Variants in IFT81 observed in about 807,000 individuals in gnomAD.
IFT81 encodes intraflagellar transport 81, also known as intraflagellar transport protein 81 homolog.
In IFT81, 72 loss-of-function variants were observed where a neutral mutation model predicts 102.6. The ratio of observed to expected loss-of-function variants is 0.70; its 90% confidence interval spans 0.58 to 0.85. The LOEUF is 0.85. IFT81 is among the 40% of genes least tolerant of loss of function. The pLI, the probability that IFT81 is intolerant of heterozygous loss-of-function variation, is 0.00. For missense variants in IFT81, 723 were observed against 787.3 expected (o/e 0.92, Z 0.98); for synonymous variants, 237 against 242.7 (o/e 0.98, Z 0.22).
At chr12:110,183,555 A>G (rs560978831) in intron 12 of IFT81, among the ~76,000 whole-genome samples, 12 of 152,330 alleles carry the variant, frequency 7.9e-5, no homozygotes, top group South Asian at 4.1e-4. Flanking sequence ...GTGTGGGCCA[A>G]TGTCAGAGGC....
At chr12:110,208,446 C>A (rs570147829) in intron 17 of IFT81, among the ~76,000 whole-genome samples, 1 of 152,010 alleles carries the variant, frequency 6.6e-6, no homozygotes, top group South Asian at 2.1e-4. Flanking sequence ...GTGGAGGCTA[C>A]AATGAGGTGT....
intron 18 of IFT81, among the ~76,000 whole-genome samples, chr12:110,212,516 C>T (rs186113704): frequency 2.4e-4 from 35 of 145,870 alleles, no homozygotes; most frequent in African/African-American, 4.6e-4. Context: ...CCAGCCTGTG[C>T]GACACAGTGA....
intron 4 of IFT81, 73 bp downstream of exon 4, chr12:110,129,203 CT>C: frequency 8.7e-7 from 1 of 1,155,924 alleles, no homozygotes; most frequent in Non-Finnish European, 1.2e-6. Context: ...ACATGTTACT[CT>C]TTTTTTATTT....
At chr12:110,164,427 T>G (rs1896325115) in intron 11 of IFT81, among the ~76,000 whole-genome samples, 1 of 152,192 alleles carries the variant, frequency 6.6e-6, no homozygotes, top group African/African-American at 2.4e-5. Flanking sequence ...TTTGTAAACA[T>G]TGCTTGGACT....
chr12:110,189,587 G>T (rs1309596276), intron 12 of IFT81, among the ~76,000 whole-genome samples: 1 of 152,104 alleles, frequency 6.6e-6, no homozygotes, highest in Non-Finnish European at 1.5e-5. Flanking sequence ...GACCTTAGGG[G>T]ATCCACCTGC....
At chr12:110,173,772 T>G (rs983927401) in intron 11 of IFT81, among the ~76,000 whole-genome samples, 1 of 152,072 alleles carries the variant, frequency 6.6e-6, no homozygotes, top group African/African-American at 2.4e-5. Flanking sequence ...GGCAGCATGC[T>G]GGTTAAGAGT....
intron 11 of IFT81, among the ~76,000 whole-genome samples, chr12:110,169,906 G>A (rs1896654592): frequency 6.6e-6 from 1 of 152,046 alleles, no homozygotes; most frequent in Non-Finnish European, 1.5e-5. Context: ...CTAAGTAGAA[G>A]AACATTGGAT....
chr12:110,203,505 C>A (rs939672514), intron 14 of IFT81: 1 of 192,796 alleles, frequency 5.2e-6, no homozygotes, highest in African/African-American at 2.4e-5. Context: ...GGGTTAGGTT[C>A]CCGGGAGTCC....
intron 10 of IFT81, among the ~76,000 whole-genome samples, chr12:110,149,923 A>G (rs1462278863): frequency 2.0e-5 from 3 of 152,008 alleles, no homozygotes; most frequent in East Asian, 1.9e-4. Context: ...GGGAAATGCA[A>G]CATTTGGGCA....
chr12:110,134,871 A>G (rs1894384614), intron 5 of IFT81, 77 bp from the exon 6 acceptor site: 1 of 1,039,466 alleles, frequency 9.6e-7, no homozygotes, highest in Non-Finnish European at 1.4e-6. Flanking sequence ...TTAGATGCAT[A>G]ATCAAAATAA....
In IFT81 at chr12:110,207,835, A is replaced by G. The variant is rs145476864; in HGVS notation, c.1803-1336A>G. ...CGCCCAGCCCCAGCCTTCAGTCTTT[A>G]TCCTTAACATGTCACCTGCTTTAAA... On this transcript the variant is annotated intron_variant, in intron 17 of 18. Coordinates refer to ENST00000242591, the MANE Select transcript of IFT81 (RefSeq NM_014055.4). Among the ~76,000 whole-genome samples, 487 of 152,188 alleles carry G rather than the reference A, an allele frequency of 3.2e-3. 2 individuals carry two copies. The highest frequency in any genetic ancestry group is 6.0e-3 in the Non-Finnish European group (405 of 67,988).
At chr12:110,132,702 T>A in intron 5 of IFT81, 66 bp downstream of exon 5, 1 of 827,926 alleles carries the variant, frequency 1.2e-6, no homozygotes. Context: ...TAGCATTTTA[T>A]TAATTCAGTA....
rs1292609615 is a variant in IFT81 at position 110,128,950 on chromosome 12, G to T, written c.249G>T (p.Met83Ile). ...KYKPSGNATD[M>I]STFRQGLVIG... is the part of the protein sequence containing the mutation. ...TTGTGTATGTGTGTTTCTCTCTTAG[G>T]AGTACTTTTCGTCAGGGTTTGGTGA... Residue 83 changes from methionine (M) to isoleucine (I), a missense_variant and splice_region_variant, in exon 4 of 19, where the codon ATG becomes ATT. Coordinates refer to ENST00000242591, the MANE Select transcript of IFT81 (RefSeq NM_014055.4). The T allele has an allele frequency of 1.9e-6, 3 of 1,612,586 alleles. No individual in the cohort carries two copies. The South Asian group carries it at 3.3e-5, about 18-fold the overall frequency.
At chr12:110,207,784 C>T (rs1350646397) in intron 17 of IFT81, among the ~76,000 whole-genome samples, 2 of 151,918 alleles carry the variant, frequency 1.3e-5, no homozygotes. Context: ...AGGATGGTCT[C>T]GATCTCCTGA....
At chr12:110,192,791 G>A (rs1420806975) in intron 14 of IFT81, 85 bp downstream of exon 14, 5 of 708,138 alleles carry the variant, frequency 7.1e-6, no homozygotes, top group Non-Finnish European at 1.2e-5. Flanking sequence ...TAGAACCCTG[G>A]ATATTTTACT....
intron 8 of IFT81, among the ~76,000 whole-genome samples, chr12:110,137,544 G>A (rs545553165): frequency 3.4e-4 from 52 of 152,070 alleles, no homozygotes; most frequent in African/African-American, 1.2e-3. Flanking sequence ...GACCAACCTG[G>A]CCAACATGGT....
intron 8 of IFT81, among the ~76,000 whole-genome samples, chr12:110,139,492 T>G (rs1300639124): frequency 6.6e-6 from 1 of 151,372 alleles, no homozygotes. Flanking sequence ...CTGGGCAACA[T>G]AGCAAGAATC....
intron 11 of IFT81, among the ~76,000 whole-genome samples, chr12:110,173,973 G>GA (rs1340660125): frequency 6.0e-5 from 9 of 150,248 alleles, no homozygotes; most frequent in African/African-American, 4.9e-5. Context: ...AAAAAAAAAA[G>GA]AAAGAAAAAA....
chr12:110,152,878 A>G (rs1012059785), intron 10 of IFT81, among the ~76,000 whole-genome samples: 1 of 152,152 alleles, frequency 6.6e-6, no homozygotes, highest in African/African-American at 2.4e-5. Flanking sequence ...AGCATCAGCC[A>G]CCATGCCTGG....
Sources: allele counts gnomAD v4.1 joint callset (sites outside exome capture counted in the v4.1 genomes callset), GRCh38; gene constraint gnomAD v4.1.1; transcripts MANE v1.5; gene names NCBI Gene and HGNC (gene_info 2026-07-23, HGNC 2026-07-21).